Variants in LRP1B observed in about 807,000 individuals in gnomAD.
LRP1B encodes the protein LDL receptor related protein 1B.
In LRP1B, 217 loss-of-function variants were observed where a neutral mutation model predicts 556.6. The observed-to-expected ratio is 0.39, with a 90% CI of 0.35 to 0.44. The LOEUF is 0.44. Ranked by LOEUF, LRP1B falls within the 20% of genes least tolerant of loss-of-function variation. The pLI, the probability that LRP1B is intolerant of heterozygous loss-of-function variation, is 1.00. For synonymous variants in LRP1B, 2,047 were observed against 1,865.8 expected (o/e 1.10, Z -2.50); for missense variants, 5,053 against 5,620.8 (o/e 0.90, Z 3.23).
At chr2:140,648,000 T>C (rs545671125) in intron 41 of LRP1B, among the ~76,000 whole-genome samples, 1 of 152,314 alleles carries the variant, frequency 6.6e-6, no homozygotes, top group East Asian at 1.9e-4. Flanking sequence ...GTATGTTTAT[T>C]GCAGCACTAT....
intron 2 of LRP1B, among the ~76,000 whole-genome samples, chr2:141,699,377 G>A (rs1487028417): frequency 1.3e-5 from 2 of 151,766 alleles, no homozygotes; most frequent in African/African-American, 4.8e-5. Flanking sequence ...TGCTATAGAT[G>A]TCTATACACA....
intron 41 of LRP1B, among the ~76,000 whole-genome samples, chr2:140,655,186 ATAAT>A (rs2105328751): frequency 6.6e-6 from 1 of 152,264 alleles, no homozygotes; most frequent in South Asian, 2.1e-4. Context: ...ATATAAGGAA[ATAAT>A]TAAAATTTAC....
At chr2:140,528,795 A>T (rs185592563) in intron 47 of LRP1B, among the ~76,000 whole-genome samples, 1 of 152,138 alleles carries the variant, frequency 6.6e-6, no homozygotes, top group East Asian at 1.9e-4. Context: ...AATCTACAGA[A>T]ATAGTAGGAA....
At chr2:142,039,123 C>T (rs1433459661) in intron 1 of LRP1B, among the ~76,000 whole-genome samples, 1 of 151,456 alleles carries the variant, frequency 6.6e-6, no homozygotes, top group Non-Finnish European at 1.5e-5. Context: ...GCACTATCCC[C>T]ACAGCTCATC....
intron 66 of LRP1B, among the ~76,000 whole-genome samples, chr2:140,421,164 A>G (rs1271498593): frequency 1.3e-5 from 2 of 152,106 alleles, no homozygotes. Flanking sequence ...CTGAGGCAGG[A>G]GAGTCGCTTG....
chr2:140,456,848 G>GA, intron 61 of LRP1B, among the ~76,000 whole-genome samples: 1 of 152,060 alleles, frequency 6.6e-6, no homozygotes, highest in Non-Finnish European at 1.5e-5. Flanking sequence ...AATTTTAGTA[G>GA]AAAAAAACTG....
At chr2:140,982,352 T>C (rs1033647502) in intron 17 of LRP1B, 76 bp from the exon 18 acceptor site, 2 of 873,014 alleles carry the variant, frequency 2.3e-6, no homozygotes, top group African/African-American at 3.3e-5. Flanking sequence ...AAGCATGCAA[T>C]ATTCCTTTCA....
chr2:141,826,631 T>C (rs1696938739), intron 1 of LRP1B, among the ~76,000 whole-genome samples: 1 of 152,116 alleles, frequency 6.6e-6, no homozygotes, highest in Non-Finnish European at 1.5e-5. Context: ...AGTGCTGGGA[T>C]TACAGGCAAG....
chr2:141,136,165 A>G (rs1701487061), intron 7 of LRP1B, among the ~76,000 whole-genome samples: 1 of 151,882 alleles, frequency 6.6e-6, no homozygotes, highest in Non-Finnish European at 1.5e-5. Flanking sequence ...ACAAAGCTGC[A>G]TGCGTATGAA....
At chr2:141,324,659 A>T (rs1687371907) in intron 3 of LRP1B, among the ~76,000 whole-genome samples, 1 of 152,126 alleles carries the variant, frequency 6.6e-6, no homozygotes, top group Non-Finnish European at 1.5e-5. Flanking sequence ...AATAAATGCT[A>T]CTAAATTACT....
intron 83 of LRP1B, among the ~76,000 whole-genome samples, chr2:140,304,289 G>A (rs1490245162): frequency 2.0e-5 from 3 of 152,098 alleles, no homozygotes; most frequent in Non-Finnish European, 2.9e-5. Flanking sequence ...GTGTAAAAGT[G>A]TTCCTATTCT....
In LRP1B at chr2:141,788,072, T is replaced by C. The variant is rs1422164819; in HGVS notation, c.205+22207A>G. 2.0e-5 allele frequency among the ~76,000 whole-genome samples: 3 copies of C among 151,996 alleles called. No homozygotes were observed. The East Asian group carries it at 5.8e-4, about 29-fold the overall frequency. On this transcript the variant is annotated intron_variant, in intron 2 of 90. Coordinates refer to ENST00000389484, the MANE Select transcript of LRP1B (RefSeq NM_018557.3). ...GGTAGGAAGTACCTAATCTCTGAGA[T>C]AGAAGTAAGCTTTCCTTAGACAAAC...
chr2:142,044,023 A>G (rs1704157515), intron 1 of LRP1B, among the ~76,000 whole-genome samples: 3 of 151,744 alleles, frequency 2.0e-5, no homozygotes, highest in African/African-American at 7.3e-5. Flanking sequence ...TATACTTTTA[A>G]TCTTCAATAA....
chr2:142,125,087 A>G (rs1364250606), intron 1 of LRP1B, among the ~76,000 whole-genome samples: 1 of 151,832 alleles, frequency 6.6e-6, no homozygotes, highest in African/African-American at 2.4e-5. Flanking sequence ...AATATCACTC[A>G]ATTTAGAACA....
intron 1 of LRP1B, among the ~76,000 whole-genome samples, chr2:142,101,100 A>G (rs1051060262): frequency 1.3e-5 from 2 of 151,974 alleles, no homozygotes; most frequent in Admixed American, 1.3e-4. Context: ...AGGTAGAAAT[A>G]AGTGTGCTAA....
intron 1 of LRP1B, among the ~76,000 whole-genome samples, chr2:142,053,128 T>C (rs1181433098): frequency 2.6e-5 from 4 of 152,322 alleles, no homozygotes; most frequent in East Asian, 3.9e-4. Flanking sequence ...AAAAGTGTTA[T>C]GTTGGTTGCA....
chr2:141,547,996 A>T (rs1477540778), intron 2 of LRP1B, among the ~76,000 whole-genome samples: 1 of 152,158 alleles, frequency 6.6e-6, no homozygotes, highest in African/African-American at 2.4e-5. Flanking sequence ...TGAGAAAGGA[A>T]CAAGGAAGAC....
chr2:141,234,560 A>G (rs1224971441), intron 5 of LRP1B, among the ~76,000 whole-genome samples: 1 of 151,938 alleles, frequency 6.6e-6, no homozygotes, highest in African/African-American at 2.4e-5. Context: ...TATTTTTAGT[A>G]GAGACTGGGT....
At chr2:141,474,866 T>C (rs765828553) in intron 3 of LRP1B, among the ~76,000 whole-genome samples, 1 of 152,190 alleles carries the variant, frequency 6.6e-6, no homozygotes, top group Non-Finnish European at 1.5e-5. Context: ...CAATCAGTTT[T>C]AGTAAAATCT....
Sources: allele counts gnomAD v4.1 joint callset (sites outside exome capture counted in the v4.1 genomes callset), GRCh38; gene constraint gnomAD v4.1.1; transcripts MANE v1.5; gene names NCBI Gene and HGNC (gene_info 2026-07-23, HGNC 2026-07-21).